Variants in LTBP1 observed in about 807,000 individuals in gnomAD.
LTBP1 encodes latent-transforming growth factor beta-binding protein 1.
Under a neutral mutation model 207.6 loss-of-function variants are expected in LTBP1, and 129 were observed. The ratio of observed to expected loss-of-function variants is 0.62; its 90% CI spans 0.54 to 0.72. LTBP1 has a LOEUF of 0.72. Among genes scored for constraint, LTBP1 ranks in the 30% least tolerant of loss-of-function variants. The pLI is 0.00. For missense variants in LTBP1, 2,281 were observed against 2,217.2 expected (o/e 1.03, Z -0.58); for synonymous variants, 963 against 833.7 (o/e 1.16, Z -2.67).
At chr2:33,207,514 A>G (rs1188204898) in intron 7 of LTBP1, among the ~76,000 whole-genome samples, 1 of 152,200 alleles carries the variant, frequency 6.6e-6, no homozygotes, top group Non-Finnish European at 1.5e-5. Flanking sequence ...TAAAAAAAAG[A>G]AAGAAAAAAA....
intron 32 of LTBP1, among the ~76,000 whole-genome samples, chr2:33,393,982 T>C (rs1230771305): frequency 6.7e-6 from 1 of 150,258 alleles, no homozygotes; most frequent in East Asian, 1.9e-4. Flanking sequence ...ATGATCGCCA[T>C]TGTAATTGGT....
chr2:33,317,998 T>G (rs997306438), intron 24 of LTBP1: 3 of 152,210 alleles, frequency 2.0e-5, no homozygotes, highest in African/African-American at 7.2e-5. Flanking sequence ...ATCCAAAATC[T>G]AAAGCACTCC....
At position 33,186,847 on chromosome 2, in the gene LTBP1, C is replaced by T; in HGVS notation, c.1202-9C>T. On this transcript the variant is annotated splice_polypyrimidine_tract_variant and intron_variant, in intron 5 of 33. Coordinates refer to ENST00000404816, the MANE Select transcript of LTBP1 (RefSeq NM_206943.4). ...ACCAACTCTCCATGTTTTCTCTTTT[C>T]CCTTTTAGTAATTTGCCATCTTCCA... 1.9e-6 allele frequency: 3 copies of T among 1,608,962 alleles called. No individual in the cohort carries two copies. Among genetic ancestry groups the T allele is most frequent in the Non-Finnish European group, 2.6e-6 (3 of 1,175,380 alleles).
chr2:33,060,673 G>GTGTA (rs2077225219), intron 3 of LTBP1, among the ~76,000 whole-genome samples: 1 of 151,644 alleles, frequency 6.6e-6, no homozygotes, highest in Non-Finnish European at 1.5e-5. Flanking sequence ...GTGTGTGTGT[G>GTGTA]TGTGTGTAAA....
At position 33,398,472 on chromosome 2, in the gene LTBP1, C is replaced by T. The variant is rs559771108; in HGVS notation, c.5093C>T (p.Pro1698Leu). ...TGTTTGTGTCTGCCAGGCTACGTGC[C>T]TTCTGACAAGCCAAACTACTGCACT... is the stretch of plus-strand genomic sequence containing the variant. ...YKCLCLPGYVPSDKPNYCTPL... is the reference protein window; with the variant it reads ...YKCLCLPGYVLSDKPNYCTPL... Residue 1698 changes from proline (P) to leucine (L), a missense_variant, in exon 34 of 34, where the codon CCT (proline) becomes CTT (leucine). Physicochemically the swap from Pro to Leu is moderately conservative, Grantham distance 98. Coordinates refer to ENST00000404816, the MANE Select transcript of LTBP1 (RefSeq NM_206943.4). 2.8e-5 allele frequency: 46 copies of T among 1,614,182 alleles called. No individual in the cohort carries two copies. The highest frequency in any genetic ancestry group is 1.5e-4 in the South Asian group (14 of 91,088).
chr2:33,290,665 G>T (rs921924920), intron 19 of LTBP1, among the ~76,000 whole-genome samples: 1 of 152,182 alleles, frequency 6.6e-6, no homozygotes, highest in Admixed American at 6.5e-5. Flanking sequence ...GGTATGCCTG[G>T]GCAATAACAA....
intron 26 of LTBP1, among the ~76,000 whole-genome samples, chr2:33,349,533 G>T (rs1292194280): frequency 6.6e-6 from 1 of 151,880 alleles, no homozygotes; most frequent in Non-Finnish European, 1.5e-5. Flanking sequence ...TGGAGTTTGT[G>T]TGGCTATCCT....
At chr2:33,088,004 G>A (rs902395590) in intron 3 of LTBP1, among the ~76,000 whole-genome samples, 3 of 152,204 alleles carry the variant, frequency 2.0e-5, no homozygotes, top group Non-Finnish European at 4.4e-5. Context: ...AAAATTTGGT[G>A]CTGAAATAGT....
chr2:33,176,098 A>G (rs2086018974), intron 5 of LTBP1, among the ~76,000 whole-genome samples: 1 of 151,958 alleles, frequency 6.6e-6, no homozygotes, highest in East Asian at 1.9e-4. Context: ...TGGCACATGT[A>G]TACATACGTA....
chr2:33,291,899 T>C (rs2093781567), intron 19 of LTBP1: 1 of 152,270 alleles, frequency 6.6e-6, no homozygotes, highest in African/African-American at 2.4e-5. Flanking sequence ...TTTGCTGCTT[T>C]CGTGGTGTAG....
At chr2:33,059,010 G>A (rs76233522) in intron 3 of LTBP1, among the ~76,000 whole-genome samples, 8,116 of 152,180 alleles carry the variant, frequency 0.053, 627 homozygotes, top group East Asian at 0.34. Context: ...ATTTACTGCC[G>A]CTTGAAGTTA....
intron 26 of LTBP1, among the ~76,000 whole-genome samples, chr2:33,350,109 A>C (rs955668627): frequency 6.6e-6 from 1 of 152,256 alleles, no homozygotes; most frequent in Non-Finnish European, 1.5e-5. Flanking sequence ...AATTTAAATA[A>C]AAGTTTTTAG....
intron 2 of LTBP1, among the ~76,000 whole-genome samples, chr2:32,949,752 G>T (rs1262604990): frequency 3.9e-5 from 6 of 152,194 alleles, no homozygotes; most frequent in Non-Finnish European, 1.5e-5. Flanking sequence ...TTCCCATGTG[G>T]ATTGGAATTG....
intron 5 of LTBP1, among the ~76,000 whole-genome samples, chr2:33,153,079 T>A (rs2083669967): frequency 6.6e-6 from 1 of 152,220 alleles, no homozygotes; most frequent in South Asian, 2.1e-4. Flanking sequence ...GTAAATGAGA[T>A]GAGGCTCTCT....
chr2:33,140,031 A>T (rs1400483216), intron 5 of LTBP1, among the ~76,000 whole-genome samples: 1 of 152,234 alleles, frequency 6.6e-6, no homozygotes, highest in Non-Finnish European at 1.5e-5. Flanking sequence ...TAGGAAACTC[A>T]TGTTTTAAGA....
chr2:33,066,546 T>C (rs990822876), intron 3 of LTBP1, among the ~76,000 whole-genome samples: 2 of 152,174 alleles, frequency 1.3e-5, no homozygotes, highest in South Asian at 4.1e-4. Flanking sequence ...TAGTGGAGTA[T>C]GGATTATTTT....
chr2:33,397,593 T>C (rs1262503409), intron 33 of LTBP1, among the ~76,000 whole-genome samples: 3 of 150,120 alleles, frequency 2.0e-5, no homozygotes, highest in African/African-American at 7.4e-5. Context: ...CTGCAACTTC[T>C]GCCTCCCAGG....
chr2:33,212,964 G>A (rs569140480), intron 7 of LTBP1, among the ~76,000 whole-genome samples: 2 of 152,254 alleles, frequency 1.3e-5, no homozygotes, highest in South Asian at 4.1e-4. Flanking sequence ...GACCTTCATC[G>A]TGCAACAGGC....
chr2:33,254,559 T>G (rs2092778579), intron 11 of LTBP1, among the ~76,000 whole-genome samples: 1 of 149,372 alleles, frequency 6.7e-6, no homozygotes, highest in Non-Finnish European at 1.5e-5. Flanking sequence ...GTTTTTTTTT[T>G]TTTTTTTTTA....
Sources: allele counts gnomAD v4.1 joint callset (sites outside exome capture counted in the v4.1 genomes callset), GRCh38; gene constraint gnomAD v4.1.1; transcripts MANE v1.5; gene names NCBI Gene and HGNC (gene_info 2026-07-23, HGNC 2026-07-21).